The following KLHL13 variants were observed in gnomAD, a reference collection of about 807,000 sequenced individuals.
KLHL13 encodes kelch like family member 13, also known as kelch-like protein 13.
Under a neutral mutation model 37.1 loss-of-function variants are expected in KLHL13, and 10 were observed. The ratio of observed to expected loss-of-function variants is 0.27; its 90% CI spans 0.17 to 0.46. KLHL13 has a LOEUF of 0.46. Among genes scored for constraint, KLHL13 ranks in the 20% least tolerant of loss-of-function variants. KLHL13 has a pLI of 1.00. For synonymous variants in KLHL13, 163 were observed against 181.2 expected (o/e 0.90, Z 0.81); for missense variants, 360 against 509.3 (o/e 0.71, Z 2.82).
chrX:118,075,087 A>C (rs994254491), intron 1 of KLHL13, among the ~76,000 whole-genome samples: 3 of 111,527 alleles, frequency 2.7e-5, no homozygotes, highest in African/African-American at 9.8e-5. Context: ...AGCTTCTGAG[A>C]GGTGACAAAG....
intron 1 of KLHL13, among the ~76,000 whole-genome samples, chrX:118,083,631 G>T (rs1037427147): frequency 3.6e-5 from 4 of 110,171 alleles, no homozygotes; most frequent in Non-Finnish European, 7.5e-5. Flanking sequence ...GTTACAGTTA[G>T]ATAGGAGGAA....
rs188513930 is a variant in KLHL13 at position 118,087,999 on chromosome X, T to C, written c.-56+28509A>G. On this transcript the variant is annotated intron_variant, in intron 1 of 6. Coordinates refer to the KLHL13 transcript ENST00000371882. ...GAATATTTTACACTTTTAGGATAAA[T>C]TTTATTTATGACCATCAATGGATCT... 1.7e-3 allele frequency among the ~76,000 whole-genome samples: 193 copies of C among 112,259 alleles called. 1 individual carries two copies. Among genetic ancestry groups the C allele is most frequent in the African/African-American group, 5.7e-3 (178 of 30,974 alleles).
Position 117,991,137 on chromosome X carries a change from T to TAAAAAAAAAA in KLHL13, c.-55-45572_-55-45563dup, listed in dbSNP as rs750755409. Among the ~76,000 whole-genome samples, 585 of 83,846 alleles carry TAAAAAAAAAA rather than the reference T, an allele frequency of 7.0e-3. 8 individuals carry two copies. The highest frequency in any genetic ancestry group is 8.9e-3 in the Non-Finnish European group (429 of 48,031). The allele number at this position is 83,846 out of a possible 115,157, so 72.8% of individuals were successfully genotyped here. On this transcript the variant is annotated intron_variant, in intron 1 of 6. Transcript: ENST00000371882. ...AAGGCTGGAAATTTTCATTAAAAAG[T>TAAAAAAAAAA]AAAAAAAAAAAAGTCTTATAAATGA...
At chrX:117,969,157 G>A (rs2053482578) in intron 1 of KLHL13, among the ~76,000 whole-genome samples, 2 of 111,389 alleles carry the variant, frequency 1.8e-5, no homozygotes, top group Non-Finnish European at 1.9e-5. Flanking sequence ...GGTCTGTCTT[G>A]CTAGAATTCA....
At chrX:118,057,334 G>T (rs1273784951) in intron 1 of KLHL13, among the ~76,000 whole-genome samples, 2 of 112,137 alleles carry the variant, frequency 1.8e-5, no homozygotes, top group Non-Finnish European at 3.8e-5. Context: ...ATACATTTGT[G>T]TATACCATAT....
At chrX:117,933,073 T>A (rs931988592) in intron 2 of KLHL13, among the ~76,000 whole-genome samples, 10 of 111,279 alleles carry the variant, frequency 9.0e-5, no homozygotes, top group Admixed American at 8.6e-4. Context: ...TAATTTATTT[T>A]TTTTTTTGCT....
At chrX:118,115,873 G>A (rs181778190) in intron 1 of KLHL13, among the ~76,000 whole-genome samples, 1 of 112,619 alleles carries the variant, frequency 8.9e-6, no homozygotes, top group African/African-American at 3.2e-5. Flanking sequence ...ATTTAGTGAA[G>A]GAATGATCTC....
In KLHL13 at chrX:117,905,394, G is replaced by A. The variant is rs1469250486; in HGVS notation, c.1367-3448C>T. Among the ~76,000 whole-genome samples, 3 of 111,452 alleles carry A rather than the reference G, an allele frequency of 2.7e-5. No individual in the cohort carries two copies. The East Asian group carries it at 8.4e-4, about 31-fold the overall frequency. ...TGACTCCTTTTACACTTAAGTGACAGCTACTCTAAGCCTCCCCTAGTTTCC... is the reference window on the plus strand; with the variant it reads ...TGACTCCTTTTACACTTAAGTGACAACTACTCTAAGCCTCCCCTAGTTTCC... On this transcript the variant is annotated intron_variant, in intron 5 of 6. Coordinates refer to ENST00000262820, the Ensembl canonical transcript of KLHL13.
intron 1 of KLHL13, among the ~76,000 whole-genome samples, chrX:117,991,846 ACTCTCTCTCTCTCTCTCTCT>A (rs56373597): frequency 3.0e-4 from 19 of 63,501 alleles, no homozygotes; most frequent in African/African-American, 9.8e-4. Context: ...CTACAGTGAA[ACTCTCTCTCTCTCTCTCTCT>A]CTCTCTCTCT....
At chrX:118,042,012 A>G (rs1414151130) in intron 1 of KLHL13, among the ~76,000 whole-genome samples, 1 of 112,058 alleles carries the variant, frequency 8.9e-6, no homozygotes, top group Admixed American at 9.5e-5. Flanking sequence ...AAGGGAATGG[A>G]AAAAGATATT....
At chrX:118,029,814 A>C (rs2054316281) in intron 1 of KLHL13, among the ~76,000 whole-genome samples, 1 of 109,982 alleles carries the variant, frequency 9.1e-6, no homozygotes. Flanking sequence ...ATAAAAATAC[A>C]AAAATTAGCT....
chrX:118,031,300 TTG>T (rs2054336530), intron 1 of KLHL13, among the ~76,000 whole-genome samples: 1 of 107,899 alleles, frequency 9.3e-6, no homozygotes, highest in Non-Finnish European at 1.9e-5. Flanking sequence ...CCTGTTCTCT[TTG>T]TCTTATTGAG....
chrX:117,959,276 G>A (rs190437540), intron 1 of KLHL13, among the ~76,000 whole-genome samples: 2 of 112,069 alleles, frequency 1.8e-5, no homozygotes, highest in East Asian at 2.8e-4. Flanking sequence ...TGATCGTAAC[G>A]AATGAGAAAA....
Position 117,909,394 on chromosome X carries a change from C to T in KLHL13, c.1273G>A (p.Ala425Thr), listed in dbSNP as rs1036310858. 29 of 1,209,049 alleles carry T rather than the reference C, an allele frequency of 2.4e-5. No individual in the cohort carries two copies. The highest frequency in any genetic ancestry group is 3.2e-5 in the Non-Finnish European group (29 of 894,370). The change falls in exon 5 of 7, where the codon GCA becomes ACA. Residue 425 changes from alanine to threonine, a missense_variant. This residue lies in a region of KLHL13 where 166 missense variants were observed against 284.3 expected (regional missense o/e 0.58). Coordinates refer to ENST00000262820, the Ensembl canonical transcript of KLHL13. ...AAGGTGCGCTTTTCATTTAAAGATGCAACTTGCATCCATTTATTGTATCGA... is the reference window on the plus strand; with the variant it reads ...AAGGTGCGCTTTTCATTTAAAGATGTAACTTGCATCCATTTATTGTATCGA...
intron 4 of KLHL13, among the ~76,000 whole-genome samples, chrX:117,913,571 G>C (rs1447634126): frequency 1.8e-5 from 2 of 111,992 alleles, no homozygotes; most frequent in Admixed American, 9.4e-5. Flanking sequence ...CAAGGCCGGG[G>C]GCGGTGGCTC....
intron 1 of KLHL13, among the ~76,000 whole-genome samples, chrX:117,967,095 A>G (rs1234034066): frequency 8.9e-6 from 1 of 111,896 alleles, no homozygotes; most frequent in Admixed American, 9.5e-5. Flanking sequence ...CTGCACAGCA[A>G]AAGAAACTAC....
chrX:118,026,547 G>A (rs2054276577), intron 1 of KLHL13, among the ~76,000 whole-genome samples: 1 of 111,753 alleles, frequency 8.9e-6, no homozygotes, highest in Non-Finnish European at 1.9e-5. Context: ...AATCGTTGAT[G>A]CTTTATGAAA....
At chrX:118,020,365 G>C (rs749496819) in intron 1 of KLHL13, among the ~76,000 whole-genome samples, 2 of 111,901 alleles carry the variant, frequency 1.8e-5, no homozygotes, top group South Asian at 7.5e-4. Flanking sequence ...CTTTGCTGAA[G>C]TTGCGTATCA....
chrX:117,899,360 T>C (rs758664105), exon 7 of KLHL13: 1 of 1,205,726 alleles, frequency 8.3e-7, no homozygotes, highest in Admixed American at 2.2e-5. Flanking sequence ...TCAAAGCACA[T>C]GAGCTCCTTT....
Sources: allele counts gnomAD v4.1 joint callset (sites outside exome capture counted in the v4.1 genomes callset), GRCh38; gene constraint gnomAD v4.1.1; regional missense constraint gnomAD v4.1.1; transcripts MANE v1.5; gene names NCBI Gene and HGNC (gene_info 2026-07-23, HGNC 2026-07-21).